Variants in UST observed in about 807,000 individuals in gnomAD.
UST encodes the protein chondroitin sulfate 2-O-sulfotransferase.
Under a neutral mutation model 45.6 loss-of-function variants are expected in UST, and 21 were observed. That is an observed-to-expected ratio of 0.46 (90% CI 0.33 to 0.66). The LOEUF (loss-of-function observed/expected upper bound fraction) is 0.66, where lower values mean the gene tolerates loss of function less well. Ranked by LOEUF, UST falls within the 30% of genes least tolerant of loss-of-function variation. The pLI, the probability that UST is intolerant of heterozygous loss-of-function variation, is 0.02. For missense variants in UST, 463 were observed against 512.4 expected (o/e 0.90, Z 0.93); for synonymous variants, 215 against 200.6 (o/e 1.07, Z -0.61).
At chr6:149,058,765 GT>G (rs540215216) in intron 7 of UST, among the ~76,000 whole-genome samples, 8 of 151,956 alleles carry the variant, frequency 5.3e-5, no homozygotes, top group Admixed American at 2.6e-4. Context: ...CTCCCAATAA[GT>G]TTTTTTTAGA....
At chr6:148,973,681 C>G (rs1780964053) in intron 5 of UST, among the ~76,000 whole-genome samples, 1 of 152,208 alleles carries the variant, frequency 6.6e-6, no homozygotes, top group African/African-American at 2.4e-5. Context: ...TATAGTTGTC[C>G]TCAATTGCTT....
intron 5 of UST, among the ~76,000 whole-genome samples, chr6:148,987,557 G>A (rs771558639): frequency 2.0e-4 from 31 of 152,196 alleles, no homozygotes; most frequent in Non-Finnish European, 4.1e-4. Context: ...CCTTCCAGAT[G>A]AAAAAGCGGG....
At chr6:148,895,147 C>T (rs1779100652) in intron 2 of UST, among the ~76,000 whole-genome samples, 1 of 151,914 alleles carries the variant, frequency 6.6e-6, no homozygotes, top group South Asian at 2.1e-4. Context: ...TTTTTCCAAC[C>T]TTCCATACCA....
At chr6:148,994,513 T>C (rs1422291791) in intron 5 of UST, among the ~76,000 whole-genome samples, 1 of 152,184 alleles carries the variant, frequency 6.6e-6, no homozygotes, top group East Asian at 1.9e-4. Flanking sequence ...GGGGGACTAA[T>C]ATTGAAGTGA....
At chr6:148,903,611 G>A (rs920179267) in intron 2 of UST, among the ~76,000 whole-genome samples, 2 of 152,238 alleles carry the variant, frequency 1.3e-5, no homozygotes, top group Non-Finnish European at 2.9e-5. Flanking sequence ...AATGGGGACA[G>A]ACAGTTTGAG....
At chr6:148,895,312 A>G (rs1033228030) in intron 2 of UST, among the ~76,000 whole-genome samples, 1 of 152,190 alleles carries the variant, frequency 6.6e-6, no homozygotes, top group African/African-American at 2.4e-5. Context: ...AAAACATATT[A>G]TATTACATCA....
chr6:148,841,532 C>T (rs1227582404), intron 1 of UST, among the ~76,000 whole-genome samples: 2 of 149,014 alleles, frequency 1.3e-5, no homozygotes, highest in East Asian at 1.9e-4. Context: ...AAGCACTTTT[C>T]ATTTTCTCCC....
At chr6:148,896,721 C>T (rs560623287) in intron 2 of UST, among the ~76,000 whole-genome samples, 55 of 152,254 alleles carry the variant, frequency 3.6e-4, no homozygotes, top group Non-Finnish European at 7.2e-4. Flanking sequence ...CACTCACCCA[C>T]CCCTTAGGCT....
chr6:149,044,316 T>C (rs1776366327), intron 7 of UST, among the ~76,000 whole-genome samples: 1 of 152,156 alleles, frequency 6.6e-6, no homozygotes. Flanking sequence ...TGTTTTTTCA[T>C]TTCAAAAAAA....
chr6:148,927,798 A>G (rs1447850449), intron 2 of UST, among the ~76,000 whole-genome samples: 2 of 152,226 alleles, frequency 1.3e-5, no homozygotes, highest in African/African-American at 4.8e-5. Context: ...TCACTCAGTC[A>G]AAGCAGCTCT....
intron 4 of UST, among the ~76,000 whole-genome samples, chr6:148,954,810 T>C (rs1780450850): frequency 6.6e-6 from 1 of 152,248 alleles, no homozygotes; most frequent in South Asian, 2.1e-4. Context: ...AGCTGTGGTC[T>C]TCTGATAACA....
chr6:148,814,201 AG>A (rs763160991), intron 1 of UST, among the ~76,000 whole-genome samples: 169 of 152,302 alleles, frequency 1.1e-3, no homozygotes, highest in Non-Finnish European at 1.9e-3. Flanking sequence ...CCCAGAACAG[AG>A]GGCAGGAGGA....
chr6:149,026,967 T>A (rs1776058698), intron 7 of UST, among the ~76,000 whole-genome samples: 1 of 152,206 alleles, frequency 6.6e-6, no homozygotes, highest in African/African-American at 2.4e-5. Flanking sequence ...ACTTAAATCC[T>A]AACTTTGAGG....
chr6:148,858,270 G>T (rs1337094748), intron 1 of UST, among the ~76,000 whole-genome samples: 3 of 152,148 alleles, frequency 2.0e-5, no homozygotes, highest in Admixed American at 6.5e-5. Context: ...TCAGTCTGTG[G>T]CCAAAGGCCT....
chr6:148,772,427 C>CTT (rs570406798), intron 1 of UST, among the ~76,000 whole-genome samples: 9 of 142,938 alleles, frequency 6.3e-5, no homozygotes, highest in Non-Finnish European at 7.7e-5. Context: ...CCCTTCTGAC[C>CTT]TTTTTTTTTT....
chr6:148,821,484 A>G (rs1285517373), intron 1 of UST, among the ~76,000 whole-genome samples: 1 of 152,206 alleles, frequency 6.6e-6, no homozygotes, highest in East Asian at 1.9e-4. Flanking sequence ...AACTTTTATC[A>G]CTTCAATAAA....
At chr6:148,820,766 T>C (rs1314140346) in intron 1 of UST, among the ~76,000 whole-genome samples, 2 of 148,306 alleles carry the variant, frequency 1.3e-5, no homozygotes, top group East Asian at 4.1e-4. Flanking sequence ...GGCAGGAGAA[T>C]GGCGTGAACC....
chr6:148,875,779 C>A (rs796782576), intron 1 of UST, among the ~76,000 whole-genome samples: 1 of 152,158 alleles, frequency 6.6e-6, no homozygotes, highest in Non-Finnish European at 1.5e-5. Context: ...GCTCCCGCTT[C>A]GGCGACACAG....
At chr6:149,021,869 A>G (rs1403967573) in intron 7 of UST, among the ~76,000 whole-genome samples, 1 of 152,194 alleles carries the variant, frequency 6.6e-6, no homozygotes, top group African/African-American at 2.4e-5. Flanking sequence ...CCTGGACTCC[A>G]TTGATGGAAA....
Sources: gnomAD v4.1 joint callset for allele counts (sites outside exome capture counted in the v4.1 genomes callset) on GRCh38, gnomAD v4.1.1 for gene constraint, MANE v1.5 for transcripts, NCBI Gene and HGNC (gene_info 2026-07-23, HGNC 2026-07-21) for gene names.